Variants in PDCD11 observed in about 807,000 individuals in gnomAD.
PDCD11 encodes protein RRP5 homolog.
In PDCD11, 97 loss-of-function variants were observed where a neutral mutation model predicts 198.9. That is an observed-to-expected ratio of 0.49 (90% CI 0.41 to 0.58). The LOEUF (loss-of-function observed/expected upper bound fraction) is 0.58, where lower values mean the gene tolerates loss of function less well. PDCD11 is among the 20% of genes least tolerant of loss of function. PDCD11 has a pLI of 0.00. For missense variants in PDCD11, 2,102 were observed against 2,312.7 expected (o/e 0.91, Z 1.87); for synonymous variants, 893 against 918.0 (o/e 0.97, Z 0.49).
chr10:103,409,706 C>T lies in PDCD11; in HGVS notation c.878C>T (p.Pro293Leu), dbSNP rs267602350. ...VVKAQVQKVT[P>L]FGLTLNFLTF... ...TGTTCTGTTTATTTCTAGGTGACTC[C>T]ATTTGGCCTTACGCTAAACTTCCTC... is the stretch of plus-strand genomic sequence containing the variant. Residue 293 changes from proline to leucine, a missense_variant, in exon 8 of 36, where the codon CCA becomes CTA. Pro to Leu is a moderately conservative substitution (Grantham distance 98). Transcript: ENST00000369797. 6.2e-7 allele frequency: 1 copy of T among 1,612,758 alleles called. No individual in the cohort carries two copies. The highest frequency in any genetic ancestry group is 1.1e-5 in the South Asian group (1 of 91,060).
rs758032310 is a variant in PDCD11, at chr10:103,442,417, G to A, written c.4912G>A (p.Ala1638Thr). Reference protein sequence around the residue: ...FHLQATEIEKARAVAERALKT... With the variant: ...FHLQATEIEKTRAVAERALKT... ...CCTGCAGGCCACGGAGATCGAGAAG[G>A]CCCGTGCCGTGGCTGAGAGGGCCCT... The change falls in exon 32 of 36, where the codon GCC becomes ACC. Residue 1638 changes from alanine (A) to threonine (T), a missense_variant. Physicochemically the swap from Ala to Thr is moderately conservative, Grantham distance 58. Coordinates refer to ENST00000369797, the MANE Select transcript of PDCD11 (RefSeq NM_014976.2). 1.2e-6 allele frequency: 2 copies of A among 1,614,154 alleles called. No homozygotes were observed. Among genetic ancestry groups the A allele is most frequent in the East Asian group, 2.2e-5 (1 of 44,878 alleles).
intron 14 of PDCD11, 40 bp downstream of exon 14, chr10:103,417,972 T>C (rs1165184072): frequency 6.2e-7 from 1 of 1,608,874 alleles, no homozygotes; most frequent in South Asian, 1.1e-5. Context: ...TATGTTACAG[T>C]GGCAGAGAGC....
intron 15 of PDCD11, among the ~76,000 whole-genome samples, chr10:103,418,985 C>CT (rs111594350): frequency 0.3 from 43,516 of 147,468 alleles, 6,785 homozygotes; most frequent in South Asian, 0.51. Context: ...CCCCTTTCCT[C>CT]TTTTTTTTTT....
At position 103,419,912 on chromosome 10, in the gene PDCD11, T is replaced by G. The variant is rs573191268; in HGVS notation, c.2277+204T>G. On this transcript the variant is annotated intron_variant, in intron 16 of 35. Transcript: ENST00000369797. ...TCAAGCGATTTTCCTGCTTCTGCCT[T>G]CCAAGTAGCTGGGATTACAGGTGCC... Among the ~76,000 whole-genome samples the G allele has an allele frequency of 8.7e-5, 13 of 150,108 alleles. No individual in the cohort carries two copies. In the South Asian group the frequency reaches 2.5e-3, roughly 29 times the overall value.
intron 6 of PDCD11, 133 bp downstream of exon 6, chr10:103,406,241 C>G: frequency 9.8e-7 from 1 of 1,015,992 alleles, no homozygotes; most frequent in African/African-American, 1.6e-5. Flanking sequence ...AAAACCAGCA[C>G]TTAATCCTAG....
At chr10:103,433,064 T>C (rs998010165) in intron 22 of PDCD11, among the ~76,000 whole-genome samples, 2 of 152,256 alleles carry the variant, frequency 1.3e-5, no homozygotes, top group Non-Finnish European at 2.9e-5. Flanking sequence ...GTTGTAGTTA[T>C]TTGCACACTG....
At chr10:103,429,140 G>C (rs563191921) in intron 21 of PDCD11, among the ~76,000 whole-genome samples, 1 of 152,250 alleles carries the variant, frequency 6.6e-6, no homozygotes, top group East Asian at 1.9e-4. Context: ...GTCTGTTCTA[G>C]AGCTGAGTTC....
chr10:103,428,559 C>A (rs1001927634), intron 21 of PDCD11, among the ~76,000 whole-genome samples: 3 of 152,194 alleles, frequency 2.0e-5, no homozygotes, highest in African/African-American at 7.2e-5. Context: ...GTATCTTCAA[C>A]TCTGACATGT....
chr10:103,416,101 C>G (rs955639664), intron 12 of PDCD11, among the ~76,000 whole-genome samples: 2 of 152,128 alleles, frequency 1.3e-5, no homozygotes, highest in Admixed American at 1.3e-4. Context: ...TATTTCATAG[C>G]TAATAAACGG....
intron 13 of PDCD11, 61 bp downstream of exon 13, chr10:103,416,803 A>C: frequency 3.2e-6 from 5 of 1,572,410 alleles, no homozygotes; most frequent in Non-Finnish European, 4.3e-6. Context: ...ACAAATATGA[A>C]GGAGCAGTAA....
At position 103,415,148 on chromosome 10, in the gene PDCD11, C is replaced by T; in HGVS notation, c.1515C>T (p.Cys505=). 6.2e-7 allele frequency: 1 copy of T among 1,613,672 alleles called. No homozygotes were observed. The highest frequency in any genetic ancestry group is 2.2e-5 in the East Asian group (1 of 44,882). The part of the protein sequence containing the change: ...KKYHIGDEVK[C]RVLLCDPEAK... ...ACCACATCGGGGATGAGGTCAAGTGCCGGGTGAGCCTCCTGAAGGGTCTCT... is the reference window on the plus strand; with the variant it reads ...ACCACATCGGGGATGAGGTCAAGTGTCGGGTGAGCCTCCTGAAGGGTCTCT... Residue 505 remains cysteine (C), a synonymous_variant, in exon 12 of 36, where the codon TGC becomes TGT. Coordinates refer to ENST00000369797, the MANE Select transcript of PDCD11 (RefSeq NM_014976.2).
At position 103,434,327 on chromosome 10, in the gene PDCD11, CCCT is replaced by C. The variant is rs2032059194; in HGVS notation, c.3646_3648del (p.Leu1217del). The C allele has an allele frequency of 1.9e-6, 3 of 1,611,542 alleles. No individual in the cohort carries two copies. The highest frequency in any genetic ancestry group is 2.5e-6 in the Non-Finnish European group (3 of 1,177,688). On this transcript the variant is annotated inframe_deletion, in exon 24 of 36. Coordinates refer to ENST00000369797, the MANE Select transcript of PDCD11 (RefSeq NM_014976.2). ...GTTGTTGGCCCAGATTCCTCCAAGA[CCCT>C]CTTATGTCTGTCCCTCACAGGTGTG...
At chr10:103,439,701 G>T in intron 27 of PDCD11, 45 bp from the exon 28 acceptor site, 1 of 1,613,220 alleles carries the variant, frequency 6.2e-7, no homozygotes, top group Non-Finnish European at 8.5e-7. Flanking sequence ...TTGGAATTCT[G>T]TTGTTGCATT....
chr10:103,443,701 G>A (rs2032484059), intron 33 of PDCD11, among the ~76,000 whole-genome samples: 1 of 152,206 alleles, frequency 6.6e-6, no homozygotes, highest in African/African-American at 2.4e-5. Context: ...CATGGGTGCG[G>A]ATCAGCAGGG....
rs1180641025 is a variant in PDCD11, at chr10:103,421,417, G to A, written c.2347G>A (p.Val783Met). 1 of 1,608,360 alleles carries A rather than the reference G, an allele frequency of 6.2e-7. No individual in the cohort carries two copies. The highest frequency in any genetic ancestry group is 8.5e-7 in the Non-Finnish European group (1 of 1,177,432). ...FVEGQTVAAK[V>M]TNVDEEKQRM... The stretch of plus-strand genomic sequence containing the variant: ...TGAGGGCCAGACAGTAGCGGCAAAG[G>A]TGACCAATGTGGATGAGGAGAAGCA... Residue 783 changes from valine to methionine, a missense_variant, in exon 17 of 36, where the codon GTG (valine) becomes ATG (methionine). Physicochemically the swap from Val to Met is conservative, Grantham distance 21 (BLOSUM62 1). Coordinates refer to ENST00000369797, the MANE Select transcript of PDCD11 (RefSeq NM_014976.2).
chr10:103,419,424 C>T, intron 15 of PDCD11, 114 bp from the exon 16 acceptor site: 1 of 1,160,412 alleles, frequency 8.6e-7, no homozygotes, highest in Non-Finnish European at 1.2e-6. Context: ...TAGAGAATCG[C>T]TGTAGCAGCA....
chr10:103,418,328 T>G, intron 14 of PDCD11, 112 bp from the exon 15 acceptor site: 1 of 848,514 alleles, frequency 1.2e-6, no homozygotes. Flanking sequence ...GAAAGCTGCC[T>G]CTTAGAGATC....
At chr10:103,408,849 C>T (rs2030621264) in intron 7 of PDCD11, among the ~76,000 whole-genome samples, 2 of 152,128 alleles carry the variant, frequency 1.3e-5, no homozygotes, top group Admixed American at 1.3e-4. Context: ...TTCTTGTTGA[C>T]CGTTTAACTT....
Position 103,421,557 on chromosome 10 carries a change from G to A in PDCD11, c.2487G>A (p.Met829Ile). 3 of 1,558,436 alleles carry A rather than the reference G, an allele frequency of 1.9e-6. No individual in the cohort carries two copies. Among genetic ancestry groups the A allele is most frequent in the Non-Finnish European group, 2.6e-6 (3 of 1,150,894 alleles). The change falls in exon 17 of 36, where the codon ATG (methionine) becomes ATA (isoleucine). Residue 829 changes from methionine (M) to isoleucine (I), a missense_variant. Physicochemically the swap from Met to Ile is conservative, Grantham distance 10. Transcript: ENST00000369797. The stretch of plus-strand genomic sequence containing the variant: ...AGCTGCAGGGCGTGCGCAGCCTTAT[G>A]AGCAACCGAGGTGGGGCACCTGTGG... ...LEELQGVRSL[M>I]SNRDSVLIQT...
Sources: allele counts gnomAD v4.1 joint callset (sites outside exome capture counted in the v4.1 genomes callset), GRCh38; gene constraint gnomAD v4.1.1; transcripts MANE v1.5; gene names NCBI Gene and HGNC (gene_info 2026-07-23, HGNC 2026-07-21).